CFAP77: variants seen among roughly 807,000 people sequenced by gnomAD.
CFAP77 encodes the protein cilia- and flagella-associated protein 77.
Under a neutral mutation model 31.1 loss-of-function variants are expected in CFAP77, and 25 were observed. The observed-to-expected ratio is 0.80, with a 90% CI of 0.59 to 1.12. CFAP77 has a LOEUF of 1.12. Among genes scored for constraint, CFAP77 ranks in the 50% most tolerant of loss-of-function variants. The pLI is 0.00. For synonymous variants in CFAP77, 151 were observed against 159.9 expected, an observed-to-expected ratio of 0.94 and a Z score of 0.42; for missense variants, 377 against 397.3, an observed-to-expected ratio of 0.95 and a Z score of 0.44.
intron 3 of CFAP77, among the ~76,000 whole-genome samples, chr9:132,502,277 T>A (rs35815388): frequency 4.1e-4 from 51 of 123,506 alleles, no homozygotes; most frequent in African/African-American, 1.5e-3. Flanking sequence ...TTTTTTTTTT[T>A]GGGGGAGGGG....
At chr9:132,530,526 C>T (rs991761188) in intron 3 of CFAP77, among the ~76,000 whole-genome samples, 5 of 152,168 alleles carry the variant, frequency 3.3e-5, no homozygotes, top group Admixed American at 6.5e-5. Flanking sequence ...CTGCCCCCCT[C>T]GGCCTCCCAA....
intron 1 of CFAP77, among the ~76,000 whole-genome samples, chr9:132,416,329 AT>A (rs71503303): frequency 0.044 from 2,644 of 60,172 alleles, 16 homozygotes; most frequent in African/African-American, 0.068. Flanking sequence ...TTCTTATCTG[AT>A]TTTTTTTTTT....
At chr9:132,458,009 G>A (rs1438220621) in intron 1 of CFAP77, among the ~76,000 whole-genome samples, 1 of 152,096 alleles carries the variant, frequency 6.6e-6, no homozygotes, top group Non-Finnish European at 1.5e-5. Context: ...CCTTATTTCC[G>A]AAGGCCCGGG....
chr9:132,474,407 A>G (rs1851312493), intron 1 of CFAP77, among the ~76,000 whole-genome samples: 1 of 152,230 alleles, frequency 6.6e-6, no homozygotes, highest in African/African-American at 2.4e-5. Context: ...CCTTCATCCC[A>G]GGAAGGAGCG....
intron 3 of CFAP77, among the ~76,000 whole-genome samples, chr9:132,533,813 G>A (rs998681229): frequency 6.6e-6 from 1 of 152,120 alleles, no homozygotes; most frequent in Admixed American, 6.6e-5. Flanking sequence ...CCCAGGAGGT[G>A]GAGGTTGCAG....
chr9:132,421,329 G>T (rs546325216), intron 1 of CFAP77, among the ~76,000 whole-genome samples: 36 of 151,962 alleles, frequency 2.4e-4, no homozygotes, highest in Non-Finnish European at 4.0e-4. Flanking sequence ...GCAAGTATGT[G>T]GGGGGGAACT....
intron 3 of CFAP77, among the ~76,000 whole-genome samples, chr9:132,523,982 A>C (rs1223861435): frequency 6.6e-6 from 1 of 152,112 alleles, no homozygotes; most frequent in Non-Finnish European, 1.5e-5. Context: ...TGGTGCTATT[A>C]TACATAGCAT....
At chr9:132,559,342 C>T (rs1411999236) in intron 5 of CFAP77, among the ~76,000 whole-genome samples, 12 of 19,542 alleles carry the variant, frequency 6.1e-4, no homozygotes, top group African/African-American at 4.3e-3. Flanking sequence ...GAGACTCTGT[C>T]TTGCAAAAAA....
At chr9:132,458,357 G>GGGGGGGAGTGT (rs139008147) in intron 1 of CFAP77, among the ~76,000 whole-genome samples, 1 of 119,042 alleles carries the variant, frequency 8.4e-6, no homozygotes, top group African/African-American at 3.2e-5. Flanking sequence ...GAGGGGGGGG[G>GGGGGGGAGTGT]GTGTGTATGG....
Position 132,564,834 on chromosome 9 carries a change from C to A in CFAP77, c.733-7554C>A, listed in dbSNP as rs1040018116. On this transcript the variant is annotated intron_variant, in intron 5 of 5. Transcript: ENST00000393216. The surrounding 1 kb of genome is among the most constrained non-coding windows in gnomAD (Gnocchi z 4.6). ...ATGAGTTAGAAAATGGGGCCCACCG[C>A]TCTAGATGCGGGAAGCAAAGTGAGA... Among the ~76,000 whole-genome samples the A allele has an allele frequency of 2.0e-5, 3 of 152,182 alleles. No individual in the cohort carries two copies. Among genetic ancestry groups the A allele is most frequent in the Non-Finnish European group, 1.5e-5 (1 of 68,044 alleles).
At position 132,572,435 on chromosome 9, in the gene CFAP77, A is replaced by T; in HGVS notation, c.780A>T (p.Arg260Ser). ...DTFPTEADRQ[R>S]ALKAHREECA... Reference sequence around the variant, plus strand: ...TCCCCACGGAGGCCGATCGCCAGAGAGCATTAAAAGCCCACCGGGAAGAGT... The same window carrying T: ...TCCCCACGGAGGCCGATCGCCAGAGTGCATTAAAAGCCCACCGGGAAGAGT... The change falls in exon 6 of 6, where the codon AGA (arginine) becomes AGT (serine). Residue 260 changes from arginine (R) to serine (S), a missense_variant. Physicochemically the swap from Arg to Ser is moderately radical, Grantham distance 110. Transcript: ENST00000393216. 6.2e-6 allele frequency: 10 copies of T among 1,613,106 alleles called. No homozygotes were observed. The highest frequency in any genetic ancestry group is 8.5e-6 in the Non-Finnish European group (10 of 1,180,000).
At chr9:132,438,599 C>T (rs1393617916) in intron 1 of CFAP77, among the ~76,000 whole-genome samples, 2 of 143,800 alleles carry the variant, frequency 1.4e-5, no homozygotes, top group African/African-American at 2.6e-5. Context: ...TGTGGTGTCA[C>T]ATCATGGCTC....
At position 132,482,994 on chromosome 9, in the gene CFAP77, A is replaced by G. The variant is rs570217575; in HGVS notation, c.196-15701A>G. On this transcript the variant is annotated intron_variant, in intron 1 of 5. Coordinates refer to ENST00000393216, the MANE Select transcript of CFAP77 (RefSeq NM_001282957.2). ...AAAAAAGAACGCACCCTTCCAGGCT[A>G]TGTGAGGGGGCTCATGCCTGTAATC... Among the ~76,000 whole-genome samples, 260 of 151,432 alleles carry G rather than the reference A, an allele frequency of 1.7e-3. 3 individuals carry two copies. Among genetic ancestry groups the G allele is most frequent in the African/African-American group, 5.4e-3 (224 of 41,236 alleles).
intron 1 of CFAP77, among the ~76,000 whole-genome samples, chr9:132,434,860 C>T (rs1850475693): frequency 6.6e-6 from 1 of 152,172 alleles, no homozygotes. Context: ...CCAGCATGGC[C>T]ACTCTGTCAG....
At position 132,564,104 on chromosome 9, in the gene CFAP77, T is replaced by C. The variant is rs1369589839; in HGVS notation, c.733-8284T>C. ...ACACAATTCTAATTGAAGAATTCGT[T>C]GTGTGATTTTATTTTTATTAGTAGT... On this transcript the variant is annotated intron_variant, in intron 5 of 5. Transcript: ENST00000393216. The surrounding 1 kb of genome is among the most constrained non-coding windows in gnomAD (Gnocchi z 4.6). Among the ~76,000 whole-genome samples, 2 of 152,236 alleles carry C rather than the reference T, an allele frequency of 1.3e-5. No individual in the cohort carries two copies. Among genetic ancestry groups the C allele is most frequent in the African/African-American group, 2.4e-5 (1 of 41,464 alleles).
chr9:132,410,525 C>T (rs2131668961), intron 1 of CFAP77, 59 bp downstream of exon 1: 2 of 1,425,704 alleles, frequency 1.4e-6, no homozygotes, highest in East Asian at 2.9e-5. Flanking sequence ...CCTGCGCCGC[C>T]GGGGGTCCCC....
At chr9:132,547,621 C>T (rs1852754669) in intron 5 of CFAP77, among the ~76,000 whole-genome samples, 1 of 152,204 alleles carries the variant, frequency 6.6e-6, no homozygotes, top group Non-Finnish European at 1.5e-5. Context: ...GACAGACAGA[C>T]CGACACACAG....
chr9:132,509,831 TGG>T (rs1322440945), intron 3 of CFAP77, among the ~76,000 whole-genome samples: 1 of 152,080 alleles, frequency 6.6e-6, no homozygotes, highest in Non-Finnish European at 1.5e-5. Context: ...GGTAGCAGCC[TGG>T]GGCCCCCATC....
chr9:132,413,775 G>A (rs192235063), intron 1 of CFAP77, among the ~76,000 whole-genome samples: 1 of 152,324 alleles, frequency 6.6e-6, no homozygotes, highest in African/African-American at 2.4e-5. Flanking sequence ...ATGTACGGGG[G>A]TGGAATTTAT....
Sources: allele counts gnomAD v4.1 joint callset (sites outside exome capture counted in the v4.1 genomes callset), GRCh38; gene constraint gnomAD v4.1.1; non-coding constraint Gnocchi (gnomAD v3.1); transcripts MANE v1.5; gene names NCBI Gene and HGNC (gene_info 2026-07-23, HGNC 2026-07-21).